Variants in INSL6 observed in about 807,000 individuals in gnomAD.
The protein encoded by INSL6 is insulin-like peptide INSL6.
Under a neutral mutation model 9.4 loss-of-function variants are expected in INSL6, and 16 were observed. That is an observed-to-expected ratio of 1.70 (90% CI 1.15 to 2.59). The LOEUF is 2.59. INSL6 is among the 30% of genes most tolerant of loss of function. The probability of loss-of-function intolerance (pLI) is 0.00; values close to 1 mark genes in which losing one functional copy is unlikely to be tolerated. For synonymous variants in INSL6, 154 were observed against 96.9 expected (o/e 1.59, Z -3.46); for missense variants, 391 against 257.3 (o/e 1.52, Z -3.56).
the INSL6 span, among the ~76,000 whole-genome samples, chr9:5,082,827 C>A: frequency 6.6e-6 from 1 of 152,222 alleles, no homozygotes; most frequent in Admixed American, 6.5e-5. Context: ...AGCCTTAAAC[C>A]TTGATTCCAT....
intron 3 of INSL6, among the ~76,000 whole-genome samples, chr9:5,128,939 A>G (rs369219982): frequency 1.3e-5 from 2 of 152,018 alleles, no homozygotes; most frequent in African/African-American, 2.4e-5. Context: ...ATATTAAGTT[A>G]TACAATCTTT....
At chr9:5,026,780 G>T in the INSL6 span, among the ~76,000 whole-genome samples, 1 of 152,142 alleles carries the variant, frequency 6.6e-6, no homozygotes, top group Non-Finnish European at 1.5e-5. Context: ...TTATTTACTT[G>T]TGTGGTTTAG....
chr9:5,089,972 G>A, the INSL6 span: 1 of 603,538 alleles, frequency 1.7e-6, no homozygotes, highest in Non-Finnish European at 2.5e-6. Context: ...ATGCCCAGAG[G>A]GAGAGGCATT....
At chr9:5,080,296 A>C in the INSL6 span, 1 of 1,613,438 alleles carries the variant, frequency 6.2e-7, no homozygotes, top group Non-Finnish European at 8.5e-7. Context: ...TAAATTTGGC[A>C]ACAGACAAAT....
chr9:4,998,465 C>T, the INSL6 span, among the ~76,000 whole-genome samples: 9 of 152,128 alleles, frequency 5.9e-5, no homozygotes, highest in Non-Finnish European at 1.3e-4. Context: ...CCATGTTGGT[C>T]AGGCTGGTCT....
At chr9:5,165,545 T>G (rs1825032489) in intron 1 of INSL6, among the ~76,000 whole-genome samples, 1 of 152,240 alleles carries the variant, frequency 6.6e-6, no homozygotes, top group African/African-American at 2.4e-5. Flanking sequence ...TTTTTTCATA[T>G]GCTTATTATA....
At chr9:5,168,981 A>G (rs1825122198) in intron 1 of INSL6, among the ~76,000 whole-genome samples, 1 of 151,648 alleles carries the variant, frequency 6.6e-6, no homozygotes. Context: ...GCTGGAGTAC[A>G]ATGGCATCAT....
the INSL6 span, chr9:5,085,027 GT>G: frequency 1.2e-6 from 1 of 821,232 alleles, no homozygotes; most frequent in Non-Finnish European, 2.0e-6. Flanking sequence ...ATTTCTGAAA[GT>G]TGAATGAGGG....
the INSL6 span, among the ~76,000 whole-genome samples, chr9:5,051,365 A>C: frequency 6.6e-6 from 1 of 152,178 alleles, no homozygotes; most frequent in Admixed American, 6.5e-5. Flanking sequence ...CCAGTTGGCT[A>C]TATAAATGAC....
chr9:5,114,774 G>A, the INSL6 span: 14 of 319,684 alleles, frequency 4.4e-5, no homozygotes, highest in East Asian at 2.6e-4. Flanking sequence ...CTCACAGACC[G>A]TCAAGTAACT....
At chr9:5,109,897 A>C in the INSL6 span, 1 of 152,188 alleles carries the variant, frequency 6.6e-6, no homozygotes, top group African/African-American at 2.4e-5. Context: ...ATCGGATGAG[A>C]AGGTATAGGA....
chr9:5,099,156 C>G, the INSL6 span: 2 of 152,172 alleles, frequency 1.3e-5, no homozygotes, highest in African/African-American at 4.8e-5. Flanking sequence ...CCTTATTAGG[C>G]CTCAAAACAG....
At chr9:5,032,301 C>T in the INSL6 span, among the ~76,000 whole-genome samples, 1 of 152,248 alleles carries the variant, frequency 6.6e-6, no homozygotes, top group African/African-American at 2.4e-5. Context: ...CTGCCGGCCT[C>T]TGTAGACTCC....
chr9:5,163,217 C>T (rs12348632), downstream of INSL6, among the ~76,000 whole-genome samples: 925 of 152,268 alleles, frequency 6.1e-3, 8 homozygotes, highest in African/African-American at 0.021. Flanking sequence ...CAAGTTCCCA[C>T]GTGATGCTGA....
chr9:4,992,199 G>A, the INSL6 span, among the ~76,000 whole-genome samples: 1 of 152,204 alleles, frequency 6.6e-6, no homozygotes, highest in South Asian at 2.1e-4. Flanking sequence ...TGACTGGGAT[G>A]TTAGCTGGGC....
the INSL6 span, chr9:5,080,786 C>A: frequency 2.5e-6 from 2 of 813,550 alleles, no homozygotes; most frequent in Non-Finnish European, 3.6e-6. Flanking sequence ...TTCTTGATGT[C>A]ATTTGGGCCC....
At chr9:5,131,116 C>T (rs1412085601) in intron 3 of INSL6, among the ~76,000 whole-genome samples, 1 of 152,064 alleles carries the variant, frequency 6.6e-6, no homozygotes, top group Non-Finnish European at 1.5e-5. Context: ...TTAAAGAAAT[C>T]AAAGATACTA....
At chr9:5,058,493 T>A in the INSL6 span, among the ~76,000 whole-genome samples, 1 of 152,044 alleles carries the variant, frequency 6.6e-6, no homozygotes, top group African/African-American at 2.4e-5. Flanking sequence ...TCCCACCATG[T>A]CCCTCCCTCG....
chr9:5,054,009 A>G, the INSL6 span, among the ~76,000 whole-genome samples: 180 of 152,232 alleles, frequency 1.2e-3, no homozygotes, highest in African/African-American at 4.2e-3. The surrounding 1 kb of genome is among the most constrained non-coding windows in gnomAD (Gnocchi z 4.9). Context: ...GAATGTACAG[A>G]AAAGTCAGAA....
Sources: allele counts gnomAD v4.1 joint callset (sites outside exome capture counted in the v4.1 genomes callset), GRCh38; gene constraint gnomAD v4.1.1; non-coding constraint Gnocchi (gnomAD v3.1); transcripts MANE v1.5; gene names NCBI Gene and HGNC (gene_info 2026-07-23, HGNC 2026-07-21).